Variants in CWC27 observed in about 807,000 individuals in gnomAD.
CWC27 encodes the protein spliceosome-associated protein CWC27 homolog.
In CWC27, 47 loss-of-function variants were observed where a neutral mutation model predicts 63.6. The observed-to-expected ratio is 0.74, with a 90% CI of 0.58 to 0.94. The LOEUF (loss-of-function observed/expected upper bound fraction) is 0.94, where lower values mean the gene tolerates loss of function less well. Among genes scored for constraint, CWC27 ranks in the 40% least tolerant of loss-of-function variants. CWC27 has a pLI of 0.00. For synonymous variants in CWC27, 175 were observed against 179.8 expected, an observed-to-expected ratio of 0.97 and a Z score of 0.22; for missense variants, 495 against 554.3, an observed-to-expected ratio of 0.89 and a Z score of 1.07.
At chr5:64,947,976 T>C (rs934773237) in intron 11 of CWC27, among the ~76,000 whole-genome samples, 2 of 152,112 alleles carry the variant, frequency 1.3e-5, no homozygotes, top group Non-Finnish European at 2.9e-5. Context: ...GCATTTATTA[T>C]GGTCCTTGTC....
At chr5:64,802,964 C>A (rs547496803) in intron 9 of CWC27, among the ~76,000 whole-genome samples, 4 of 152,190 alleles carry the variant, frequency 2.6e-5, no homozygotes, top group African/African-American at 9.6e-5. Flanking sequence ...TATGAATTTG[C>A]AGGGAATTTT....
At chr5:65,012,411 T>C (rs542827638) in intron 13 of CWC27, among the ~76,000 whole-genome samples, 12 of 152,346 alleles carry the variant, frequency 7.9e-5, no homozygotes, top group Admixed American at 5.9e-4. Context: ...GAAAGCTTTT[T>C]GTAGAGTGCT....
intron 11 of CWC27, among the ~76,000 whole-genome samples, chr5:64,950,163 T>G (rs1488232963): frequency 6.6e-6 from 1 of 152,040 alleles, no homozygotes; most frequent in Non-Finnish European, 1.5e-5. Flanking sequence ...TTAATGTAAC[T>G]ACTAGAAATT....
intron 13 of CWC27, among the ~76,000 whole-genome samples, chr5:64,999,836 C>A (rs1749700369): frequency 1.3e-5 from 2 of 152,000 alleles, no homozygotes. Context: ...TGATTTCTTT[C>A]CTTTGGATAG....
intron 8 of CWC27, 115 bp downstream of exon 8, chr5:64,800,442 CAA>C (rs1326318799): frequency 1.7e-6 from 1 of 593,540 alleles, no homozygotes; most frequent in African/African-American, 1.9e-5. Flanking sequence ...TTAAGCCAGC[CAA>C]AAAAATAAAG....
chr5:64,956,993 A>G (rs1748814213), intron 11 of CWC27, among the ~76,000 whole-genome samples: 1 of 152,150 alleles, frequency 6.6e-6, no homozygotes, highest in Non-Finnish European at 1.5e-5. Flanking sequence ...TCATACTTAT[A>G]TTTTAGAAGC....
At chr5:64,856,357 TG>T (rs1746258597) in intron 10 of CWC27, among the ~76,000 whole-genome samples, 1 of 151,994 alleles carries the variant, frequency 6.6e-6, no homozygotes, top group Non-Finnish European at 1.5e-5. Context: ...GTAAAACTGA[TG>T]GAGTCAGTTT....
intron 13 of CWC27, among the ~76,000 whole-genome samples, chr5:65,011,834 C>G (rs1749966738): frequency 6.6e-6 from 1 of 152,200 alleles, no homozygotes; most frequent in East Asian, 1.9e-4. Flanking sequence ...TTTGGACTTC[C>G]AGCTGAATGA....
rs1181337209 is a variant in CWC27 at position 64,988,157 on chromosome 5, C to G, written c.1256+10919C>G. ...ATTATTGTATTTTTCAGTTCTAAAA[C>G]TTTTATTTGTATTTATTTTTATGTT... On this transcript the variant is annotated intron_variant, in intron 13 of 13. Transcript: ENST00000381070. 2.6e-5 allele frequency among the ~76,000 whole-genome samples: 4 copies of G among 152,218 alleles called. No homozygotes were observed. In the East Asian group the frequency reaches 7.7e-4, roughly 29 times the overall value.
At chr5:64,832,104 C>G (rs1382477451) in intron 10 of CWC27, among the ~76,000 whole-genome samples, 1 of 151,772 alleles carries the variant, frequency 6.6e-6, no homozygotes, top group Non-Finnish European at 1.5e-5. Flanking sequence ...TAAACCCTTC[C>G]TAGTCTCTTG....
At chr5:64,947,407 A>G (rs988321071) in intron 11 of CWC27, among the ~76,000 whole-genome samples, 3 of 152,138 alleles carry the variant, frequency 2.0e-5, no homozygotes, top group Non-Finnish European at 4.4e-5. Context: ...ATACTTGCCC[A>G]TGCATATATC....
At chr5:65,009,349 A>C (rs1235618352) in intron 13 of CWC27, among the ~76,000 whole-genome samples, 1 of 152,224 alleles carries the variant, frequency 6.6e-6, no homozygotes, top group African/African-American at 2.4e-5. Context: ...AAACTTCAAC[A>C]TGAGACTTGG....
chr5:64,844,896 C>T (rs1261709146), intron 10 of CWC27: 1 of 456,722 alleles, frequency 2.2e-6, no homozygotes. Context: ...CTAAGGGGTA[C>T]AGCTTCTGGT....
chr5:64,854,826 C>G (rs1258720241), intron 10 of CWC27, among the ~76,000 whole-genome samples: 1 of 152,096 alleles, frequency 6.6e-6, no homozygotes, highest in Non-Finnish European at 1.5e-5. Context: ...TAATCTGCTT[C>G]TCTCCTTGAT....
At chr5:64,924,198 T>C (rs1321868906) in intron 11 of CWC27, among the ~76,000 whole-genome samples, 2 of 152,246 alleles carry the variant, frequency 1.3e-5, no homozygotes, top group Admixed American at 6.5e-5. Flanking sequence ...ATTCTAGTTG[T>C]TTCCTTGGGA....
intron 10 of CWC27, among the ~76,000 whole-genome samples, chr5:64,828,976 T>G (rs1745441481): frequency 6.6e-6 from 1 of 152,142 alleles, no homozygotes; most frequent in African/African-American, 2.4e-5. Context: ...ATGGTAAATA[T>G]TCAACCATTT....
At position 64,900,694 on chromosome 5, in the gene CWC27, A is replaced by G. The variant is rs114432331; in HGVS notation, c.1042+15148A>G. Among the ~76,000 whole-genome samples the G allele has an allele frequency of 8.4e-3, 1,284 of 152,240 alleles. 18 individuals carry two copies. The highest frequency in any genetic ancestry group is 0.031 in the Middle Eastern group (9 of 292). On this transcript the variant is annotated intron_variant, in intron 11 of 13. Coordinates refer to ENST00000381070, the MANE Select transcript of CWC27 (RefSeq NM_005869.4). ...AAATTTTGTAGTTTTAAGATTTTACATTAAGATTTGATTCACTTTGACTTA... is the reference window on the plus strand; with the variant it reads ...AAATTTTGTAGTTTTAAGATTTTACGTTAAGATTTGATTCACTTTGACTTA...
At chr5:64,819,728 G>T (rs1338962996) in intron 10 of CWC27, among the ~76,000 whole-genome samples, 1 of 152,090 alleles carries the variant, frequency 6.6e-6, no homozygotes, top group Non-Finnish European at 1.5e-5. Flanking sequence ...ATCTTTATTA[G>T]TAGCGTGAGA....
At chr5:64,946,047 T>C (rs1207693288) in intron 11 of CWC27, among the ~76,000 whole-genome samples, 3 of 152,222 alleles carry the variant, frequency 2.0e-5, no homozygotes, top group Admixed American at 6.6e-5. Flanking sequence ...TTTCTCCACA[T>C]TTTGCCCACA....
Sources: allele counts gnomAD v4.1 joint callset (sites outside exome capture counted in the v4.1 genomes callset), GRCh38; gene constraint gnomAD v4.1.1; transcripts MANE v1.5; gene names NCBI Gene and HGNC (gene_info 2026-07-23, HGNC 2026-07-21).